Variants in APOL5 observed in about 807,000 individuals in gnomAD.
APOL5 encodes apolipoprotein L5.
In APOL5, 29 loss-of-function variants were observed where a neutral mutation model predicts 35.5. The ratio of observed to expected loss-of-function variants is 0.82; its 90% CI spans 0.61 to 1.11. The LOEUF (loss-of-function observed/expected upper bound fraction) is 1.11. APOL5 is among the 50% of genes most tolerant of loss of function. APOL5 has a pLI of 0.00. For missense variants in APOL5, 514 were observed against 530.4 expected, an observed-to-expected ratio of 0.97 and a Z score of 0.30; for synonymous variants, 188 against 200.2, an observed-to-expected ratio of 0.94 and a Z score of 0.51.
In APOL5 at chr22:35,726,914, CA is replaced by C; in HGVS notation, c.847del (p.Thr283GlnfsTer5). On this transcript the variant is annotated frameshift_variant, in exon 3 of 5. Coordinates refer to ENST00000249044, the MANE Select transcript of APOL5 (RefSeq NM_030642.1). LOFTEE classifies it high-confidence loss of function. ...ARGVQRAFEG[T>X]TLAMTNGAWV... ...GAGGGGTGCAGAGAGCCTTTGAGGGCACAACTCTGGCCATGACCAATGGTGC... is the reference window on the plus strand; with the variant it reads ...GAGGGGTGCAGAGAGCCTTTGAGGGCCAACTCTGGCCATGACCAATGGTGC... The C allele has an allele frequency of 6.2e-7, 1 of 1,614,220 alleles. No individual in the cohort carries two copies. The highest frequency in any genetic ancestry group is 8.5e-7 in the Non-Finnish European group (1 of 1,180,042).
At chr22:35,710,604 G>A in the APOL5 span, among the ~76,000 whole-genome samples, 1 of 151,904 alleles carries the variant, frequency 6.6e-6, no homozygotes, top group South Asian at 2.1e-4. Context: ...GTGGCATTAG[G>A]TATATTCACA....
In APOL5 at chr22:35,720,548, T is replaced by C. The variant is rs892435768; in HGVS notation, c.56-20T>C. ...GAGATGACTCAAGAAGAAATGTCCC[T>C]GATCCTTGTCCATCTCCAGGCTTGG... On this transcript the variant is annotated intron_variant, in intron 1 of 4. Coordinates refer to ENST00000249044, the MANE Select transcript of APOL5 (RefSeq NM_030642.1). 1 of 1,613,128 alleles carries C rather than the reference T, an allele frequency of 6.2e-7. No individual in the cohort carries two copies. The highest frequency in any genetic ancestry group is 8.5e-7 in the Non-Finnish European group (1 of 1,179,080).
At position 35,717,880 on chromosome 22, in the gene APOL5, T is replaced by C; in HGVS notation, c.9T>C (p.Cys3=). Residue 3 remains cysteine (C), a synonymous_variant, in exon 1 of 5, where the codon TGT becomes TGC. Transcript: ENST00000249044. ...TTTAAAAAATCTAAAGCATGCCATG[T>C]GGCAAACAAGGAAATTTGCAAGTTC... The part of the protein sequence containing the change: MP[C]GKQGNLQVPG... 1 of 1,584,128 alleles carries C rather than the reference T, an allele frequency of 6.3e-7. No individual in the cohort carries two copies. Among genetic ancestry groups the C allele is most frequent in the Non-Finnish European group, 8.6e-7 (1 of 1,165,260 alleles).
rs766669140 is a variant in APOL5 at position 35,717,932 on chromosome 22, T to A, written c.55+6T>A. The A allele has an allele frequency of 7.6e-6, 12 of 1,571,818 alleles. No homozygotes were observed. In the East Asian group the frequency reaches 1.8e-4, roughly 24 times the overall value. On this transcript the variant is annotated splice_donor_region_variant and intron_variant, in intron 1 of 4. Transcript: ENST00000249044. ...CGGTTCCAAGGTGTTACCTGGTAAGTTCTTTTAAGCTTTCAGAAAACAAGC... is the reference window on the plus strand; with the variant it reads ...CGGTTCCAAGGTGTTACCTGGTAAGATCTTTTAAGCTTTCAGAAAACAAGC...
chr22:35,724,693 C>T (rs1927089847), intron 2 of APOL5, among the ~76,000 whole-genome samples: 1 of 152,020 alleles, frequency 6.6e-6, no homozygotes, highest in African/African-American at 2.4e-5. Context: ...ACTGCAACCT[C>T]CCCGCCTCCT....
chr22:35,720,354 A>G lies in APOL5; in HGVS notation c.56-214A>G, dbSNP rs116133964. Among the ~76,000 whole-genome samples, 1,309 of 152,342 alleles carry G rather than the reference A, an allele frequency of 8.6e-3. 22 individuals carry two copies. The highest frequency in any genetic ancestry group is 0.03 in the African/African-American group (1,250 of 41,578). On this transcript the variant is annotated intron_variant, in intron 1 of 4. Coordinates refer to ENST00000249044, the MANE Select transcript of APOL5 (RefSeq NM_030642.1). The stretch of plus-strand genomic sequence containing the variant: ...GCGATTTCCAGTTTTATTGCATCCT[A>G]GTCAACCTTGGGCATTCCCATGGTT...
At chr22:35,721,961 G>T (rs934163201) in intron 2 of APOL5, among the ~76,000 whole-genome samples, 1 of 152,190 alleles carries the variant, frequency 6.6e-6, no homozygotes, top group Non-Finnish European at 1.5e-5. Context: ...ATGCAAATGG[G>T]TTGCCTGCGC....
chr22:35,717,073 G>T (rs1299745831), upstream of APOL5, among the ~76,000 whole-genome samples: 1 of 151,266 alleles, frequency 6.6e-6, no homozygotes, highest in Non-Finnish European at 1.5e-5. Flanking sequence ...TCAGGCACAT[G>T]TACTTCTCAT....
rs373982762 is a variant in APOL5, at chr22:35,727,171, G to A, written c.1103G>A (p.Gly368Glu). 2 of 1,602,538 alleles carry A rather than the reference G, an allele frequency of 1.2e-6. No homozygotes were observed. Among genetic ancestry groups the A allele is most frequent in the African/African-American group, 2.7e-5 (2 of 74,846 alleles). Residue 368 changes from glycine to glutamate, a missense_variant, in exon 3 of 5, where the codon GGA becomes GAA. Physicochemically the swap from Gly to Glu is moderately conservative, Grantham distance 98. Around this residue, in one of 3 missense-constraint regions of APOL5, gnomAD observed 238 missense variants for 229.1 expected, o/e 1.04. Transcript: ENST00000249044. ...AGCTCCCGGGGCAGGGCTGTTCGAG[G>A]ATCCCGTGTGGTTAAACCAGAAGGT... is the stretch of plus-strand genomic sequence containing the variant. ...CSSSRGRAVRGSRVVKPEGSR... is the reference protein window; with the variant it reads ...CSSSRGRAVRESRVVKPEGSR...
In APOL5 at chr22:35,727,180, T is replaced by C. The variant is rs1271778429; in HGVS notation, c.1112T>C (p.Val371Ala). 1.9e-6 allele frequency: 3 copies of C among 1,599,668 alleles called. No homozygotes were observed. Among genetic ancestry groups the C allele is most frequent in the East Asian group, 4.5e-5 (2 of 44,792 alleles). Residue 371 changes from valine (V) to alanine (A), a missense_variant, in exon 3 of 5, where the codon GTG becomes GCG. By Grantham distance (64) the Val-to-Ala change is moderately conservative. Around this residue, in one of 3 missense-constraint regions of APOL5, gnomAD observed 238 missense variants for 229.1 expected, o/e 1.04. Transcript: ENST00000249044. Reference protein sequence around the residue: ...SRGRAVRGSRVVKPEGSRSPL... With the variant: ...SRGRAVRGSRAVKPEGSRSPL... ...GGCAGGGCTGTTCGAGGATCCCGTGTGGTTAAACCAGAAGGTAGGAAGGCA... is the reference window on the plus strand; with the variant it reads ...GGCAGGGCTGTTCGAGGATCCCGTGCGGTTAAACCAGAAGGTAGGAAGGCA...
the APOL5 span, among the ~76,000 whole-genome samples, chr22:35,711,248 A>G: frequency 6.6e-6 from 1 of 152,204 alleles, no homozygotes; most frequent in African/African-American, 2.4e-5. Flanking sequence ...ATAGTTCATG[A>G]TGTGTATATA....
At chr22:35,717,235 A>AAAAAAAAAAAAAAAAAAATATATATAT, upstream of APOL5, among the ~76,000 whole-genome samples, 7 of 57,660 alleles carry the variant, frequency 1.2e-4, no homozygotes, top group Non-Finnish European at 1.5e-4. Context: ...AAAAAAAAAA[A>AAAAAAAAAAAAAAAAAAATATATATAT]ATATATATAT....
chr22:35,718,579 C>T (rs1159824907), intron 1 of APOL5, among the ~76,000 whole-genome samples: 1 of 115,338 alleles, frequency 8.7e-6, no homozygotes, highest in Non-Finnish European at 1.6e-5. Flanking sequence ...GGACAACAGA[C>T]AGAGACCCCG....
upstream of APOL5, among the ~76,000 whole-genome samples, chr22:35,717,714 G>A (rs1365974788): frequency 3.9e-5 from 5 of 128,092 alleles, no homozygotes; most frequent in Non-Finnish European, 6.2e-5. Context: ...ACTCCAGCCT[G>A]GGCAGCAGAG....
the APOL5 span, among the ~76,000 whole-genome samples, chr22:35,708,585 G>A: frequency 6.6e-6 from 1 of 152,286 alleles, no homozygotes; most frequent in African/African-American, 2.4e-5. Context: ...GATCACATCT[G>A]TGCTCTTCAC....
intron 2 of APOL5, among the ~76,000 whole-genome samples, chr22:35,725,252 G>A (rs1167346992): frequency 6.6e-6 from 1 of 152,004 alleles, no homozygotes; most frequent in Non-Finnish European, 1.5e-5. Flanking sequence ...CGAGGACTGG[G>A]TTTTTTGTTT....
At chr22:35,715,850 C>T (rs1926727586), upstream of APOL5, among the ~76,000 whole-genome samples, 1 of 152,122 alleles carries the variant, frequency 6.6e-6, no homozygotes. Flanking sequence ...CAGCTGAAAC[C>T]TCTGCACTGT....
chr22:35,721,014 G>C lies in APOL5; in HGVS notation c.142+360G>C, dbSNP rs367616849. On this transcript the variant is annotated intron_variant, in intron 2 of 4. Transcript: ENST00000249044. ...ACCCGCCTCGGCCTCCCAATGTGCT[G>C]GGATTAGAGGTGTGAGCCACCGTGC... Among the ~76,000 whole-genome samples, 73 of 152,156 alleles carry C rather than the reference G, an allele frequency of 4.8e-4. 1 individual carries two copies. The East Asian group carries it at 0.01, about 22-fold the overall frequency.
At chr22:35,713,351 G>C (rs1484840893), upstream of APOL5, among the ~76,000 whole-genome samples, 1 of 152,166 alleles carries the variant, frequency 6.6e-6, no homozygotes, top group Non-Finnish European at 1.5e-5. Flanking sequence ...GATGGAGATA[G>C]CGAGAGGCTT....
Sources: allele counts gnomAD v4.1 joint callset (sites outside exome capture counted in the v4.1 genomes callset), GRCh38; gene constraint gnomAD v4.1.1; regional missense constraint gnomAD v4.1.1; transcripts MANE v1.5; gene names NCBI Gene and HGNC (gene_info 2026-07-23, HGNC 2026-07-21).